The following GIT2 variants were observed in gnomAD, a reference collection of about 807,000 sequenced individuals.
The protein encoded by GIT2 is GIT ArfGAP 2.
A neutral mutation model predicts 100.3 loss-of-function variants in GIT2; 32 were observed. The ratio of observed to expected loss-of-function variants is 0.32; its 90% CI spans 0.24 to 0.43. The LOEUF (loss-of-function observed/expected upper bound fraction) is 0.43. GIT2 is among the 20% of genes least tolerant of loss of function. The pLI, the probability that GIT2 is intolerant of heterozygous loss-of-function variation, is 1.00. For synonymous variants in GIT2, 353 were observed against 364.1 expected (o/e 0.97, Z 0.35); for missense variants, 737 against 975.1 (o/e 0.76, Z 3.25).
Position 109,945,324 on chromosome 12 carries a change from G to C in GIT2, c.1667C>G (p.Ser556Cys). Residue 556 changes from serine to cysteine, a missense_variant, in exon 16 of 20, where the codon TCC becomes TGC. Physicochemically the swap from Ser to Cys is moderately radical, Grantham distance 112. Transcript: ENST00000355312. ...GGGGAAGGAAGGCAGAGATGAAGAG[G>C]AGGTCACAAGTGCACTCCTCCCGAT... ...AHIGRSALVT[S>C]SSSLPSFPST... 1 of 1,573,798 alleles carries C rather than the reference G, an allele frequency of 6.4e-7. No individual in the cohort carries two copies. Among genetic ancestry groups the C allele is most frequent in the East Asian group, 2.2e-5 (1 of 44,686 alleles).
intron 4 of GIT2, among the ~76,000 whole-genome samples, chr12:109,984,790 G>A (rs561973501): frequency 6.2e-4 from 95 of 152,198 alleles, no homozygotes; most frequent in Non-Finnish European, 1.3e-3. Flanking sequence ...ATAATAAAGT[G>A]CTCAAAGAAT....
At chr12:109,976,585 TTTC>T (rs1885125391) in intron 7 of GIT2, among the ~76,000 whole-genome samples, 2 of 145,148 alleles carry the variant, frequency 1.4e-5, no homozygotes, top group East Asian at 2.1e-4. Context: ...CGCCTGGCGT[TTTC>T]TTTTCTTTTT....
At chr12:109,982,903 C>T (rs1188924180) in intron 6 of GIT2, 1 of 153,048 alleles carries the variant, frequency 6.5e-6, no homozygotes, top group Non-Finnish European at 1.5e-5. Flanking sequence ...GCCTTGGACC[C>T]TCAAAGTGCT....
intron 4 of GIT2, among the ~76,000 whole-genome samples, chr12:109,986,196 A>C (rs888058907): frequency 6.6e-6 from 1 of 152,146 alleles, no homozygotes; most frequent in African/African-American, 2.4e-5. Context: ...CATTCTGTGA[A>C]GCCAACATCA....
At position 109,947,748 on chromosome 12, in the gene GIT2, T is replaced by G; in HGVS notation, c.1393-244A>C. 1 of 490,196 alleles carries G rather than the reference T, an allele frequency of 2.0e-6. No individual in the cohort carries two copies. Among genetic ancestry groups the G allele is most frequent in the South Asian group, 2.5e-5 (1 of 39,516 alleles). The allele number at this position is 490,196 out of a possible 1,614,324, so 30.4% of individuals were successfully genotyped here. ...TTCTGAATGTGGAAAAGTTGTGGTT[T>G]GGACTTCCTCAAAACAAAATGTCTA... On this transcript the variant is annotated intron_variant, in intron 14 of 19. Transcript: ENST00000355312. This position sits in a 1 kb window ranked among gnomAD's most constrained non-coding sequence, Gnocchi z 4.3.
chr12:109,945,306 G>T lies in GIT2; in HGVS notation c.1685C>A (p.Ser562Tyr). 1 of 1,588,802 alleles carries T rather than the reference G, an allele frequency of 6.3e-7. No individual in the cohort carries two copies. The highest frequency in any genetic ancestry group is 8.6e-7 in the Non-Finnish European group (1 of 1,157,154). Residue 562 changes from serine (S) to tyrosine (Y), a missense_variant, in exon 16 of 20, where the codon TCC (serine) becomes TAC (tyrosine). Transcript: ENST00000355312. ...ALVTSSSSLP[S>Y]FPSTLSWSRD... is the part of the protein sequence containing the mutation. ...CGACCAGGAAAGTGTGGAGGGGAAG[G>T]AAGGCAGAGATGAAGAGGAGGTCAC...
Position 109,948,223 on chromosome 12 carries a change from T to C in GIT2, c.1393-719A>G. On this transcript the variant is annotated intron_variant, in intron 14 of 19. Transcript: ENST00000355312. The surrounding 1 kb of genome is among the most constrained non-coding windows in gnomAD (Gnocchi z 4.3). ...AACCTATTGATCTATGGAATTGACATCTTCGCATGGATGCTCCACGCAGCA... is the reference window on the plus strand; with the variant it reads ...AACCTATTGATCTATGGAATTGACACCTTCGCATGGATGCTCCACGCAGCA... 3.0e-6 allele frequency: 3 copies of C among 985,648 alleles called. No individual in the cohort carries two copies. The highest frequency in any genetic ancestry group is 3.6e-6 in the Non-Finnish European group (3 of 830,072). The allele number at this position is 985,648 out of a possible 1,614,324, so 61.1% of individuals were successfully genotyped here. A position where few individuals can be genotyped will look rare whatever the true frequency, so the allele number is the denominator to read the frequency against.
intron 5 of GIT2, 50 bp from the exon 6 acceptor site, chr12:109,983,553 T>C (rs750808813): frequency 1.2e-5 from 19 of 1,597,500 alleles, no homozygotes; most frequent in Non-Finnish European, 1.5e-5. Flanking sequence ...AAATAAAGGC[T>C]ACATGAACAC....
chr12:109,998,679 T>G (rs1447953510), upstream of GIT2: 1 of 152,226 alleles, frequency 6.6e-6, no homozygotes, highest in Non-Finnish European at 1.5e-5. Context: ...ATGACATTCA[T>G]ACATGGACTA....
chr12:109,994,621 A>G (rs1889006406), intron 1 of GIT2, among the ~76,000 whole-genome samples: 1 of 152,240 alleles, frequency 6.6e-6, no homozygotes, highest in Admixed American at 6.5e-5. Flanking sequence ...AAAGCGATAC[A>G]ATGGAAGAGA....
chr12:109,941,674 A>C (rs1400140488), intron 16 of GIT2, among the ~76,000 whole-genome samples: 1 of 151,770 alleles, frequency 6.6e-6, no homozygotes, highest in East Asian at 1.9e-4. Flanking sequence ...GGCATGCACC[A>C]CCATACCGAG....
At chr12:109,963,224 C>A (rs1193655878) in intron 9 of GIT2, among the ~76,000 whole-genome samples, 6 of 152,154 alleles carry the variant, frequency 3.9e-5, no homozygotes, top group Non-Finnish European at 7.3e-5. Flanking sequence ...TGAGGATGGT[C>A]CCCTTTCTCT....
chr12:109,964,489 AC>A (rs1732223574), intron 9 of GIT2, among the ~76,000 whole-genome samples: 1 of 152,098 alleles, frequency 6.6e-6, no homozygotes, highest in African/African-American at 2.4e-5. Flanking sequence ...GCCGCTACCT[AC>A]ACTGGTCAGA....
At chr12:109,964,857 T>C (rs1028375713) in intron 9 of GIT2, among the ~76,000 whole-genome samples, 3 of 152,202 alleles carry the variant, frequency 2.0e-5, no homozygotes, top group South Asian at 2.1e-4. Flanking sequence ...GTGAGAGAAC[T>C]AGACAAAGAG....
chr12:109,963,708 G>A (rs1355650122), intron 9 of GIT2, among the ~76,000 whole-genome samples: 1 of 152,200 alleles, frequency 6.6e-6, no homozygotes, highest in African/African-American at 2.4e-5. Context: ...AAGGATGAAG[G>A]GAGGAAGAGA....
At chr12:109,996,060 C>T in intron 1 of GIT2, 113 bp downstream of exon 1, 3 of 664,212 alleles carry the variant, frequency 4.5e-6, no homozygotes, top group Non-Finnish European at 7.1e-6. Context: ...CGCCCAGGGA[C>T]CTCTTCGTTG....
chr12:109,990,822 GTC>G (rs145289789), intron 2 of GIT2, among the ~76,000 whole-genome samples: 1 of 152,168 alleles, frequency 6.6e-6, no homozygotes, highest in Non-Finnish European at 1.5e-5. Context: ...ATTTAATTTG[GTC>G]TCTCTGACTA....
At chr12:109,964,644 C>T (rs1881878456) in intron 9 of GIT2, among the ~76,000 whole-genome samples, 2 of 149,768 alleles carry the variant, frequency 1.3e-5, no homozygotes, top group South Asian at 4.2e-4. Flanking sequence ...CACACACACA[C>T]ACACACACAC....
At chr12:109,984,127 T>C (rs1312557387) in intron 4 of GIT2, among the ~76,000 whole-genome samples, 3 of 152,068 alleles carry the variant, frequency 2.0e-5, no homozygotes, top group African/African-American at 4.8e-5. Flanking sequence ...ATGTCAACAA[T>C]GGCCAGATGC....
Sources: gnomAD v4.1 joint callset for allele counts (sites outside exome capture counted in the v4.1 genomes callset) on GRCh38, gnomAD v4.1.1 for gene constraint, Gnocchi (gnomAD v3.1) non-coding constraint, MANE v1.5 for transcripts, NCBI Gene and HGNC (gene_info 2026-07-23, HGNC 2026-07-21) for gene names.